ZNF567: variants seen among roughly 807,000 people sequenced by gnomAD.
ZNF567 encodes the protein zinc finger protein 567.
A neutral mutation model predicts 53.9 loss-of-function variants in ZNF567; 36 were observed. The ratio of observed to expected loss-of-function variants is 0.67; its 90% CI spans 0.51 to 0.88. ZNF567 has a LOEUF of 0.88. Among genes scored for constraint, ZNF567 ranks in the 40% least tolerant of loss-of-function variants. The pLI, the probability that ZNF567 is intolerant of heterozygous loss-of-function variation, is 0.00. For missense variants in ZNF567, 619 were observed against 764.7 expected, an observed-to-expected ratio of 0.81 and a Z score of 2.25; for synonymous variants, 224 against 260.4, an observed-to-expected ratio of 0.86 and a Z score of 1.35.
intron 3 of ZNF567, among the ~76,000 whole-genome samples, chr19:36,708,535 G>T (rs1486885141): frequency 6.6e-6 from 1 of 152,082 alleles, no homozygotes; most frequent in Non-Finnish European, 1.5e-5. Context: ...GATAATGTGG[G>T]TTTTGACAAA....
At chr19:36,672,759 T>A in the ZNF567 span, among the ~76,000 whole-genome samples, 1 of 152,234 alleles carries the variant, frequency 6.6e-6, no homozygotes. Flanking sequence ...TTTGCCTTCC[T>A]GACACAAAAT....
the ZNF567 span, among the ~76,000 whole-genome samples, chr19:36,676,304 G>A: frequency 6.6e-6 from 1 of 151,232 alleles, no homozygotes; most frequent in Admixed American, 6.6e-5. Flanking sequence ...GACCTCAAGT[G>A]ATCTGCCCGC....
chr19:36,675,105 T>C, the ZNF567 span, among the ~76,000 whole-genome samples: 1 of 152,214 alleles, frequency 6.6e-6, no homozygotes, highest in African/African-American at 2.4e-5. Context: ...TAAAATGCCT[T>C]AAACATACAT....
At chr19:36,692,910 G>T (rs995027220) in intron 2 of ZNF567, among the ~76,000 whole-genome samples, 3 of 151,994 alleles carry the variant, frequency 2.0e-5, no homozygotes, top group African/African-American at 4.8e-5. Context: ...TCCTACTCTG[G>T]GCCCTTTTGG....
chr19:36,690,812 A>G (rs1373260503), intron 2 of ZNF567, among the ~76,000 whole-genome samples: 1 of 152,170 alleles, frequency 6.6e-6, no homozygotes, highest in Admixed American at 6.5e-5. Context: ...TGTGTAAATT[A>G]TATCTCAATG....
At chr19:36,723,181 T>A (rs775674364), downstream of ZNF567, 17 of 702,772 alleles carry the variant, frequency 2.4e-5, no homozygotes, top group Admixed American at 8.0e-5. Flanking sequence ...CCTACCTTGT[T>A]TTTCTAGGTG....
intron 3 of ZNF567, among the ~76,000 whole-genome samples, chr19:36,695,091 G>A (rs747586832): frequency 6.6e-6 from 1 of 151,716 alleles, no homozygotes; most frequent in Non-Finnish European, 1.5e-5. Context: ...GGATAAATCA[G>A]GCCAGGCATG....
chr19:36,677,098 T>C, the ZNF567 span, among the ~76,000 whole-genome samples: 3 of 134,120 alleles, frequency 2.2e-5, no homozygotes, highest in African/African-American at 8.6e-5. Flanking sequence ...GAGGTTGTGG[T>C]GAGCCAAGAC....
the ZNF567 span, among the ~76,000 whole-genome samples, chr19:36,679,912 T>C: frequency 6.6e-6 from 1 of 152,292 alleles, no homozygotes; most frequent in South Asian, 2.1e-4. Flanking sequence ...TCTGCTGTTC[T>C]TTTGTCCAAC....
At chr19:36,679,066 C>A in the ZNF567 span, among the ~76,000 whole-genome samples, 3 of 152,272 alleles carry the variant, frequency 2.0e-5, no homozygotes, top group African/African-American at 7.2e-5. Flanking sequence ...CTGGGCAGAT[C>A]ATGAGGTCAG....
chr19:36,670,096 C>G, the ZNF567 span, among the ~76,000 whole-genome samples: 119 of 152,004 alleles, frequency 7.8e-4, no homozygotes, highest in Admixed American at 2.6e-3. Context: ...CTGAACTGAC[C>G]TCAATTCCAG....
At chr19:36,715,493 TAATAATAATAATAATA>T (rs1568711198) in intron 5 of ZNF567, among the ~76,000 whole-genome samples, 7 of 73,728 alleles carry the variant, frequency 9.5e-5, no homozygotes, top group Admixed American at 1.5e-4. Flanking sequence ...ATAATAATAA[TAATAATAATAATAATA>T]ATTATTATTA....
Position 36,720,878 on chromosome 19 carries a change from T to A in ZNF567, c.*210T>A. The A allele has an allele frequency of 2.7e-6, 1 of 372,200 alleles. No individual in the cohort carries two copies. Among genetic ancestry groups the A allele is most frequent in the Non-Finnish European group, 4.7e-6 (1 of 213,006 alleles). 23.1% of individuals were successfully genotyped at this position (372,200 alleles called of 1,614,324 possible). On this transcript the variant is annotated 3_prime_UTR_variant, in exon 6 of 6. Coordinates refer to ENST00000682579, the MANE Select transcript of ZNF567 (RefSeq NM_001322917.1). ...CTCTATCAGCTATGAAGCTAAATTT[T>A]AAAGTCAACTGCTCTTCCTACTGAC...
At chr19:36,700,770 C>T (rs1177054075) in intron 3 of ZNF567, among the ~76,000 whole-genome samples, 2 of 152,074 alleles carry the variant, frequency 1.3e-5, no homozygotes, top group African/African-American at 4.8e-5. Flanking sequence ...GTGGTGATAT[C>T]CCATTTATCA....
chr19:36,682,538 G>T, the ZNF567 span, among the ~76,000 whole-genome samples: 1 of 149,642 alleles, frequency 6.7e-6, no homozygotes, highest in Admixed American at 6.7e-5. Context: ...CTTCTGGGAT[G>T]TTGGAAAGTT....
downstream of ZNF567, chr19:36,723,318 T>G (rs987181759): frequency 8.7e-6 from 6 of 693,618 alleles, no homozygotes; most frequent in Non-Finnish European, 1.6e-5. Flanking sequence ...TTTCAGTGGC[T>G]ACCACAAAAA....
intron 3 of ZNF567, among the ~76,000 whole-genome samples, chr19:36,696,251 A>T (rs1288474733): frequency 6.6e-6 from 1 of 152,198 alleles, no homozygotes; most frequent in Non-Finnish European, 1.5e-5. Context: ...CAGAACATTT[A>T]TCTTCGTATC....
chr19:36,686,411 C>T (rs1007303115), upstream of ZNF567: 1 of 152,168 alleles, frequency 6.6e-6, no homozygotes, highest in Non-Finnish European at 1.5e-5. Context: ...CTCTCATCAT[C>T]TACCATAAAC....
In ZNF567 at chr19:36,712,802, A is replaced by G. The variant is rs1341135586; in HGVS notation, c.158A>G (p.Asp53Gly). Residue 53 changes from aspartate to glycine, a missense_variant, in exon 5 of 6, where the codon GAT (aspartate) becomes GGT (glycine). Physicochemically the swap from Asp to Gly is moderately conservative, Grantham distance 94. Transcript: ENST00000682579. ...ISVGCHMTKP[D>G]VILKLERGEE... Reference sequence around the variant, plus strand: ...TCAGGGTGTCACATGACCAAACCTGATGTGATCCTCAAGTTGGAACGAGGA... The same window carrying G: ...TCAGGGTGTCACATGACCAAACCTGGTGTGATCCTCAAGTTGGAACGAGGA... 1.2e-5 allele frequency: 19 copies of G among 1,613,930 alleles called. No individual in the cohort carries two copies. The Admixed American group carries it at 3.2e-4, about 27-fold the overall frequency.
Sources: gnomAD v4.1 joint callset for allele counts (sites outside exome capture counted in the v4.1 genomes callset) on GRCh38, gnomAD v4.1.1 for gene constraint, MANE v1.5 for transcripts, NCBI Gene and HGNC (gene_info 2026-07-23, HGNC 2026-07-21) for gene names.